The following COMMD10 variants were observed in gnomAD, a reference collection of about 807,000 sequenced individuals.
COMMD10 encodes the protein COMM domain containing 10.
A neutral mutation model predicts 28.9 loss-of-function variants in COMMD10; 33 were observed. The observed-to-expected ratio is 1.14, with a 90% CI of 0.87 to 1.53. COMMD10 has a LOEUF of 1.53. Ranked by LOEUF, COMMD10 falls within the 40% of genes most tolerant of loss-of-function variation. The probability of loss-of-function intolerance (pLI) is 0.00; values close to 1 mark genes in which losing one functional copy is unlikely to be tolerated. For synonymous variants in COMMD10, 110 were observed against 81.7 expected (o/e 1.35, Z -1.87); for missense variants, 310 against 233.4 (o/e 1.33, Z -2.14).
At chr5:116,195,645 T>C (rs1358733658) in intron 5 of COMMD10, among the ~76,000 whole-genome samples, 2 of 152,034 alleles carry the variant, frequency 1.3e-5, no homozygotes, top group African/African-American at 4.8e-5. Flanking sequence ...AAAAGACTAC[T>C]GAAAGAAATC....
chr5:116,265,986 C>A (rs1274242559), intron 5 of COMMD10, among the ~76,000 whole-genome samples: 1 of 151,722 alleles, frequency 6.6e-6, no homozygotes, highest in Non-Finnish European at 1.5e-5. Flanking sequence ...TTAGGTGCTG[C>A]ATTACTGGCT....
chr5:116,224,381 A>G lies in COMMD10; in HGVS notation c.511-67136A>G, dbSNP rs185210356. On this transcript the variant is annotated intron_variant, in intron 5 of 6. Transcript: ENST00000274458. ...AATCCATTTTTGTTGGTATAAAGGA[A>G]TATCTGAGACTGGGTAATTTACAAA... is the stretch of plus-strand genomic sequence containing the variant. Among the ~76,000 whole-genome samples, 32 of 152,262 alleles carry G rather than the reference A, an allele frequency of 2.1e-4. No individual in the cohort carries two copies. The East Asian group carries it at 5.4e-3, about 26-fold the overall frequency.
At chr5:116,153,962 G>C (rs1032280469) in intron 5 of COMMD10, among the ~76,000 whole-genome samples, 3 of 151,978 alleles carry the variant, frequency 2.0e-5, no homozygotes, top group Non-Finnish European at 4.4e-5. Flanking sequence ...AGAGAATTTA[G>C]GGGCATAAAA....
chr5:116,086,991 T>A (rs62384678), intron 1 of COMMD10, among the ~76,000 whole-genome samples: 16,101 of 152,236 alleles, frequency 0.11, 943 homozygotes, highest in African/African-American at 0.15. Flanking sequence ...TTGATTACTG[T>A]TGTAATAATA....
chr5:116,266,097 G>T (rs1209585062), intron 5 of COMMD10, among the ~76,000 whole-genome samples: 2 of 151,756 alleles, frequency 1.3e-5, no homozygotes, highest in African/African-American at 4.9e-5. Flanking sequence ...TAAAAAAGCG[G>T]CAGGATTTTG....
intron 5 of COMMD10, among the ~76,000 whole-genome samples, chr5:116,211,897 C>G (rs2112570): frequency 0.37 from 56,882 of 151,960 alleles, 13,177 homozygotes; most frequent in African/African-American, 0.66. Context: ...TGATAGCTAA[C>G]AGCACAGACT....
At chr5:116,205,480 C>G (rs372403098) in intron 5 of COMMD10, among the ~76,000 whole-genome samples, 1 of 152,106 alleles carries the variant, frequency 6.6e-6, no homozygotes, top group Admixed American at 6.5e-5. Context: ...GGAAACTTTT[C>G]TAGCCTTCCT....
At chr5:116,186,577 C>G (rs1486950231) in intron 5 of COMMD10, among the ~76,000 whole-genome samples, 1 of 152,114 alleles carries the variant, frequency 6.6e-6, no homozygotes, top group Non-Finnish European at 1.5e-5. Context: ...GCTGAGTTCT[C>G]CTACTTCATA....
intron 5 of COMMD10, among the ~76,000 whole-genome samples, chr5:116,215,579 C>T (rs1749072202): frequency 6.6e-6 from 1 of 151,206 alleles, no homozygotes; most frequent in African/African-American, 2.4e-5. Context: ...TCCAGCTACT[C>T]AGGAGGCTGA....
rs140584992 is a variant in COMMD10, at chr5:116,271,319, A to G, written c.511-20198A>G. 4.9e-3 allele frequency among the ~76,000 whole-genome samples: 718 copies of G among 147,088 alleles called. 5 individuals are homozygous for G. Among genetic ancestry groups the G allele is most frequent in the Non-Finnish European group, 7.8e-3 (524 of 66,970 alleles). Reference sequence around the variant, plus strand: ...ATTTAATATATAAAATATATATAAAATATAAATATATATTTATATTTATGA... The same window carrying G: ...ATTTAATATATAAAATATATATAAAGTATAAATATATATTTATATTTATGA... On this transcript the variant is annotated intron_variant, in intron 5 of 6. Transcript: ENST00000274458.
chr5:116,193,156 A>G (rs1748415599), intron 5 of COMMD10, among the ~76,000 whole-genome samples: 1 of 152,222 alleles, frequency 6.6e-6, no homozygotes, highest in Non-Finnish European at 1.5e-5. Context: ...AACTGCTAAA[A>G]GGAGGTCTAA....
chr5:116,238,989 G>GT (rs1367389771), intron 5 of COMMD10, among the ~76,000 whole-genome samples: 1 of 152,050 alleles, frequency 6.6e-6, no homozygotes, highest in Admixed American at 6.5e-5. Context: ...TTCTAGCATA[G>GT]TAGCAGCATG....
chr5:116,094,157 A>G (rs1205413911), intron 4 of COMMD10, among the ~76,000 whole-genome samples: 1 of 152,242 alleles, frequency 6.6e-6, no homozygotes, highest in African/African-American at 2.4e-5. Flanking sequence ...AAAAAACCCC[A>G]AAATAGACAA....
At chr5:116,141,724 A>T (rs997964042) in intron 5 of COMMD10, among the ~76,000 whole-genome samples, 2 of 151,856 alleles carry the variant, frequency 1.3e-5, no homozygotes, top group East Asian at 3.9e-4. Flanking sequence ...AAGTGGGAGC[A>T]CATAAATAAG....
intron 5 of COMMD10, among the ~76,000 whole-genome samples, chr5:116,161,667 A>C (rs978338853): frequency 4.6e-5 from 7 of 152,178 alleles, no homozygotes; most frequent in Admixed American, 4.6e-4. Flanking sequence ...AAGAGAAAAT[A>C]TATTATTTCT....
chr5:116,237,829 C>T (rs1007349222), intron 5 of COMMD10, among the ~76,000 whole-genome samples: 1 of 152,116 alleles, frequency 6.6e-6, no homozygotes, highest in African/African-American at 2.4e-5. Context: ...AATCTCTGAT[C>T]TGTACTAATA....
chr5:116,281,443 A>G (rs1038961713), intron 5 of COMMD10, among the ~76,000 whole-genome samples: 1 of 151,792 alleles, frequency 6.6e-6, no homozygotes, highest in Admixed American at 6.6e-5. Context: ...TAAGAAATTG[A>G]CAGAATATTA....
chr5:116,114,315 C>T (rs1580455862), intron 4 of COMMD10, among the ~76,000 whole-genome samples: 1 of 151,956 alleles, frequency 6.6e-6, no homozygotes, highest in Non-Finnish European at 1.5e-5. Flanking sequence ...TGAGTGGGCT[C>T]ATGAGCTCTT....
intron 5 of COMMD10, among the ~76,000 whole-genome samples, chr5:116,282,447 A>G (rs1431029528): frequency 6.6e-6 from 1 of 151,904 alleles, no homozygotes; most frequent in Non-Finnish European, 1.5e-5. Context: ...ATATGTAAAC[A>G]TAATTATATC....
Sources: gnomAD v4.1 joint callset for allele counts (sites outside exome capture counted in the v4.1 genomes callset) on GRCh38, gnomAD v4.1.1 for gene constraint, MANE v1.5 for transcripts, NCBI Gene and HGNC (gene_info 2026-07-23, HGNC 2026-07-21) for gene names.